IRAG2: variants seen among roughly 807,000 people sequenced by gnomAD.
IRAG2 encodes inositol 1,4,5-triphosphate receptor associated 2.
In IRAG2, 45 loss-of-function variants were observed where a neutral mutation model predicts 69.9. The ratio of observed to expected loss-of-function variants is 0.64; its 90% CI spans 0.51 to 0.83. The LOEUF (loss-of-function observed/expected upper bound fraction) is 0.83. IRAG2 is among the 40% of genes least tolerant of loss of function. The pLI, the probability that IRAG2 is intolerant of heterozygous loss-of-function variation, is 0.00. For synonymous variants in IRAG2, 193 were observed against 202.4 expected (o/e 0.95, Z 0.40); for missense variants, 520 against 587.0 (o/e 0.89, Z 1.18).
intron 16 of IRAG2, among the ~76,000 whole-genome samples, chr12:25,038,996 C>T (rs1220128142): frequency 6.6e-6 from 1 of 152,192 alleles, no homozygotes; most frequent in Non-Finnish European, 1.5e-5. Context: ...TATCCTTTCT[C>T]TACCCTCAAT....
At position 25,101,236 on chromosome 12, in the gene IRAG2, G is replaced by A. The variant is rs367987808; in HGVS notation, c.800G>A (p.Arg267Lys). 6 of 1,612,604 alleles carry A rather than the reference G, an allele frequency of 3.7e-6. No homozygotes were observed. Among genetic ancestry groups the A allele is most frequent in the Non-Finnish European group, 5.1e-6 (6 of 1,179,194 alleles). ...VMIQHVENLK[R>K]MYAKEHAELE... ...ATTCAGCACGTAGAAAACTTGAAGA[G>A]GATGTATGCCAAAGAGCACGCTGAA... The change falls in exon 16 of 22, where the codon AGG becomes AAG. Residue 267 changes from arginine (R) to lysine (K), a missense_variant. By Grantham distance (26) the Arg-to-Lys change is conservative. Coordinates refer to ENST00000556887, the MANE Select transcript of IRAG2 (RefSeq NM_001366544.2).
intron 10 of IRAG2, chr12:25,030,459 T>TC (rs1163532126): frequency 3.7e-6 from 2 of 539,430 alleles, no homozygotes; most frequent in African/African-American, 3.9e-5. Flanking sequence ...TGATCTCAGC[T>TC]CACTGCAACC....
chr12:25,057,545 C>T (rs933259886), intron 1 of IRAG2, among the ~76,000 whole-genome samples: 10 of 152,128 alleles, frequency 6.6e-5, no homozygotes, highest in African/African-American at 2.4e-4. Context: ...AGGCATGAGC[C>T]ACTCTGCCCA....
chr12:25,092,654 A>G (rs860881), intron 14 of IRAG2: 150,578 of 152,224 alleles, frequency 0.99, 74,495 homozygotes, highest in Middle Eastern at 1. Context: ...TTAGTAGACT[A>G]GTCTCTCATT....
At chr12:25,081,280 C>T (rs1369830180) in intron 9 of IRAG2, among the ~76,000 whole-genome samples, 16 of 152,160 alleles carry the variant, frequency 1.1e-4, no homozygotes, top group African/African-American at 3.4e-4. Context: ...CTGACTAACA[C>T]GGTGGAACCC....
chr12:25,102,421 G>C (rs1001402178), intron 17 of IRAG2, 180 bp downstream of exon 17: 2 of 582,750 alleles, frequency 3.4e-6, no homozygotes, highest in African/African-American at 3.8e-5. Context: ...TCAATTAAGT[G>C]TGCCTGGCAG....
exon 2 of IRAG2, chr12:25,005,323 T>G: frequency 8.1e-7 from 1 of 1,228,638 alleles, no homozygotes. Flanking sequence ...CACTCACAAG[T>G]ATTTTTAATG....
At chr12:25,070,053 C>A (rs1407243361) in intron 6 of IRAG2, among the ~76,000 whole-genome samples, 1 of 152,172 alleles carries the variant, frequency 6.6e-6, no homozygotes, top group Non-Finnish European at 1.5e-5. Flanking sequence ...ACAGAGCAGG[C>A]AGTTCTGTTT....
intron 2 of IRAG2, among the ~76,000 whole-genome samples, chr12:25,005,774 T>A (rs555389683): frequency 6.6e-6 from 1 of 152,332 alleles, no homozygotes; most frequent in East Asian, 1.9e-4. Flanking sequence ...TTTTAAAAAA[T>A]TTCCAGACCT....
chr12:25,041,877 T>TAA lies in IRAG2; in HGVS notation c.2144+3740_2144+3741insAA, dbSNP rs146283765. ...ATCAACTTACTGGTTTGTGACCCAT[T>TAA]TAAAAAAAAGACATAAAATAATAGA... On this transcript the variant is annotated intron_variant, in intron 16 of 38. Coordinates refer to the IRAG2 transcript ENST00000636465. Among the ~76,000 whole-genome samples the TAA allele has an allele frequency of 2.7e-4, 40 of 148,572 alleles. 1 individual carries two copies. Among genetic ancestry groups the TAA allele is most frequent in the East Asian group, 3.9e-4 (2 of 5,110 alleles).
chr12:25,066,578 T>A (rs1187563953), intron 5 of IRAG2, 66 bp downstream of exon 5: 6 of 400,130 alleles, frequency 1.5e-5, no homozygotes, highest in Non-Finnish European at 2.7e-5. Flanking sequence ...TGCCTAACAT[T>A]TTAATTGGTC....
intron 2 of IRAG2, chr12:25,005,401 T>C: frequency 1.3e-6 from 1 of 780,060 alleles, no homozygotes; most frequent in Non-Finnish European, 1.7e-6. Context: ...ACTGTCCAAG[T>C]CATCTGAACT....
intron 21 of IRAG2, among the ~76,000 whole-genome samples, chr12:25,107,376 A>G (rs1373461992): frequency 6.6e-6 from 1 of 152,206 alleles, no homozygotes; most frequent in Non-Finnish European, 1.5e-5. Context: ...TACTGGGTTT[A>G]GTACTATTTT....
chr12:25,022,141 A>T (rs903127674), intron 7 of IRAG2, among the ~76,000 whole-genome samples: 8 of 152,150 alleles, frequency 5.3e-5, no homozygotes, highest in African/African-American at 1.9e-4. Flanking sequence ...TAGGGCTGGG[A>T]GGGATAAATG....
chr12:25,054,240 T>A (rs192981173), intron 1 of IRAG2, among the ~76,000 whole-genome samples: 1 of 152,362 alleles, frequency 6.6e-6, no homozygotes, highest in South Asian at 2.1e-4. Flanking sequence ...GTTATTTTAC[T>A]ACTGCTCAGA....
intron 14 of IRAG2, chr12:25,093,410 T>A (rs571192629): frequency 3.9e-5 from 6 of 153,398 alleles, no homozygotes; most frequent in Admixed American, 2.0e-4. Flanking sequence ...CTGAAGATGC[T>A]GTAGTTGGAA....
exon 3 of IRAG2, chr12:25,011,519 G>A: frequency 8.1e-7 from 1 of 1,231,702 alleles, no homozygotes; most frequent in Non-Finnish European, 1.0e-6. Context: ...AGGCCATGAT[G>A]AAAGACTGGA....
intron 6 of IRAG2, among the ~76,000 whole-genome samples, chr12:25,073,152 C>T (rs188475805): frequency 6.6e-6 from 1 of 152,298 alleles, no homozygotes; most frequent in East Asian, 1.9e-4. Context: ...AAAAACTAAG[C>T]TCACTTCCTT....
At chr12:25,014,168 C>T (rs1944502108) in intron 3 of IRAG2, among the ~76,000 whole-genome samples, 1 of 151,626 alleles carries the variant, frequency 6.6e-6, no homozygotes, top group Non-Finnish European at 1.5e-5. Flanking sequence ...AGCCACCAGG[C>T]CCGGCCTAAT....
Sources: gnomAD v4.1 joint callset for allele counts (sites outside exome capture counted in the v4.1 genomes callset) on GRCh38, gnomAD v4.1.1 for gene constraint, MANE v1.5 for transcripts, NCBI Gene and HGNC (gene_info 2026-07-23, HGNC 2026-07-21) for gene names.